RASGRF2: variants seen among roughly 807,000 people sequenced by gnomAD.
RASGRF2 encodes ras-specific guanine nucleotide-releasing factor 2.
In RASGRF2, 76 loss-of-function variants were observed where a neutral mutation model predicts 151.0. The ratio of observed to expected loss-of-function variants is 0.50; its 90% CI spans 0.42 to 0.61. RASGRF2 has a LOEUF of 0.61. RASGRF2 is among the 20% of genes least tolerant of loss of function. The pLI is 0.00. For synonymous variants in RASGRF2, 504 were observed against 566.5 expected (o/e 0.89, Z 1.57); for missense variants, 1,148 against 1,564.6 (o/e 0.73, Z 4.49).
At chr5:81,206,939 A>G (rs571500326) in intron 20 of RASGRF2, 34 bp downstream of exon 20, 1 of 1,491,990 alleles carries the variant, frequency 6.7e-7, no homozygotes, top group Non-Finnish European at 9.4e-7. Context: ...TAGCACAACT[A>G]TGTGCAAACT....
intron 1 of RASGRF2, among the ~76,000 whole-genome samples, chr5:80,967,767 T>C (rs1747769559): frequency 6.6e-6 from 1 of 152,194 alleles, no homozygotes; most frequent in African/African-American, 2.4e-5. Context: ...AGGGAGGTGA[T>C]AACTTGGTCT....
At position 81,226,548 on chromosome 5, in the gene RASGRF2, A is replaced by G. The variant is rs1369176323; in HGVS notation, c.*778A>G. The G allele has an allele frequency of 1.3e-5, 2 of 152,186 alleles. No homozygotes were observed. The highest frequency in any genetic ancestry group is 1.3e-4 in the Admixed American group (2 of 15,272). 9.4% of individuals were successfully genotyped at this position (152,186 alleles called of 1,614,324 possible). ...CCAGCCCTTTTGGAGAGGCAGCTGC[A>G]AAAAGGTGCACGCCCATCTCACCGA... On this transcript the variant is annotated 3_prime_UTR_variant, in exon 27 of 27. Transcript: ENST00000265080.
chr5:81,005,241 C>G (rs1040539443), intron 1 of RASGRF2, among the ~76,000 whole-genome samples: 1 of 152,150 alleles, frequency 6.6e-6, no homozygotes, highest in Non-Finnish European at 1.5e-5. Flanking sequence ...TCACAGTTCA[C>G]CATGGCTGGG....
At chr5:81,195,587 TTGATA>T (rs1755246848) in intron 18 of RASGRF2, among the ~76,000 whole-genome samples, 1 of 151,754 alleles carries the variant, frequency 6.6e-6, no homozygotes, top group Non-Finnish European at 1.5e-5. Flanking sequence ...TTTTTTTTTT[TTGATA>T]GATAAACAAA....
chr5:81,157,460 T>C (rs1754289032), intron 17 of RASGRF2, among the ~76,000 whole-genome samples: 1 of 151,892 alleles, frequency 6.6e-6, no homozygotes, highest in African/African-American at 2.4e-5. Context: ...TGGAGAGATA[T>C]ACCAAGTTCG....
At chr5:81,152,884 T>A (rs1397444346) in intron 17 of RASGRF2, among the ~76,000 whole-genome samples, 1 of 152,204 alleles carries the variant, frequency 6.6e-6, no homozygotes, top group Non-Finnish European at 1.5e-5. Flanking sequence ...AGCTTTGTTG[T>A]CAGGGGGCAC....
At chr5:80,974,680 G>T (rs374529187) in intron 1 of RASGRF2, among the ~76,000 whole-genome samples, 2,003 of 152,172 alleles carry the variant, frequency 0.013, 58 homozygotes, top group African/African-American at 0.046. Context: ...CCCACCTTGT[G>T]AGTTCTTGAT....
At chr5:81,035,284 A>G (rs1750443181) in intron 1 of RASGRF2, among the ~76,000 whole-genome samples, 1 of 152,184 alleles carries the variant, frequency 6.6e-6, no homozygotes, top group South Asian at 2.1e-4. Flanking sequence ...ATGCAGCCAT[A>G]AAAAAGGATG....
At chr5:81,184,854 C>T (rs906631299) in intron 18 of RASGRF2, among the ~76,000 whole-genome samples, 2 of 152,222 alleles carry the variant, frequency 1.3e-5, no homozygotes, top group Non-Finnish European at 2.9e-5. Flanking sequence ...TGACCAAGAT[C>T]CAGGCAGTCT....
intron 15 of RASGRF2, 77 bp downstream of exon 15, chr5:81,113,997 C>A: frequency 6.8e-7 from 1 of 1,477,506 alleles, no homozygotes; most frequent in Non-Finnish European, 9.2e-7. Context: ...TTTTGGAACA[C>A]TGGTTCCCTT....
At chr5:81,127,211 G>T in intron 17 of RASGRF2, 48 bp downstream of exon 17, 1 of 1,550,096 alleles carries the variant, frequency 6.5e-7, no homozygotes. Flanking sequence ...TTTATATTAA[G>T]TCAGTGGCCC....
intron 10 of RASGRF2, among the ~76,000 whole-genome samples, chr5:81,093,426 T>C (rs997021955): frequency 1.4e-4 from 21 of 152,210 alleles, no homozygotes; most frequent in African/African-American, 5.1e-4. Context: ...GTGTTTTTTT[T>C]GTTGAGATAG....
At chr5:81,021,843 A>G (rs181642661) in intron 1 of RASGRF2, among the ~76,000 whole-genome samples, 1 of 152,260 alleles carries the variant, frequency 6.6e-6, no homozygotes. Context: ...CCTCCCTGAA[A>G]GGTTTGGGGA....
chr5:81,150,610 A>C lies in RASGRF2; in HGVS notation c.2686+23447A>C, dbSNP rs968391991. 9.2e-5 allele frequency among the ~76,000 whole-genome samples: 14 copies of C among 152,242 alleles called. No homozygotes were observed. In the East Asian group the frequency reaches 2.7e-3, roughly 29 times the overall value. ...CTTTGGATTTCTTCCTGACTCACTT[A>C]TGTGCATGCATGTATGTGCACGTGA... On this transcript the variant is annotated intron_variant, in intron 17 of 26. Coordinates refer to ENST00000265080, the MANE Select transcript of RASGRF2 (RefSeq NM_006909.3).
chr5:81,218,861 T>C (rs1243947746), intron 25 of RASGRF2, among the ~76,000 whole-genome samples: 1 of 152,190 alleles, frequency 6.6e-6, no homozygotes. Context: ...GTTTGTGTTG[T>C]CTATGATTTC....
intron 17 of RASGRF2, among the ~76,000 whole-genome samples, chr5:81,151,176 G>A (rs1580361226): frequency 6.6e-6 from 1 of 152,174 alleles, no homozygotes; most frequent in Non-Finnish European, 1.5e-5. Flanking sequence ...ACCAAAGAGA[G>A]GGGACTAGAT....
chr5:81,178,978 T>C (rs1056611500), intron 17 of RASGRF2, among the ~76,000 whole-genome samples: 2 of 152,160 alleles, frequency 1.3e-5, no homozygotes, highest in African/African-American at 4.8e-5. Flanking sequence ...GACCTCATGA[T>C]CCACCGCCTT....
intron 17 of RASGRF2, among the ~76,000 whole-genome samples, chr5:81,163,342 G>GA (rs1754431194): frequency 6.6e-6 from 1 of 152,112 alleles, no homozygotes; most frequent in South Asian, 2.1e-4. Context: ...GTACAGAGAG[G>GA]AACGCTTCTC....
chr5:81,055,670 T>C (rs1751179566), intron 2 of RASGRF2, among the ~76,000 whole-genome samples: 1 of 152,210 alleles, frequency 6.6e-6, no homozygotes, highest in Non-Finnish European at 1.5e-5. Flanking sequence ...GGATTCCCTC[T>C]TTTTCTATTG....
Sources: allele counts gnomAD v4.1 joint callset (sites outside exome capture counted in the v4.1 genomes callset), GRCh38; gene constraint gnomAD v4.1.1; transcripts MANE v1.5; gene names NCBI Gene and HGNC (gene_info 2026-07-23, HGNC 2026-07-21).